TNKS: variants seen among roughly 807,000 people sequenced by gnomAD.
The protein encoded by TNKS is poly [ADP-ribose] polymerase tankyrase-1.
In TNKS, 72 loss-of-function variants were observed where a neutral mutation model predicts 135.8. The observed-to-expected ratio is 0.53, with a 90% CI of 0.44 to 0.64. The LOEUF (loss-of-function observed/expected upper bound fraction) is 0.64, where lower values mean the gene tolerates loss of function less well. TNKS is among the 30% of genes least tolerant of loss of function. The pLI, the probability that TNKS is intolerant of heterozygous loss-of-function variation, is 0.00. For synonymous variants in TNKS, 849 were observed against 649.3 expected, an observed-to-expected ratio of 1.31 and a Z score of -4.68; for missense variants, 1,769 against 1,674.0, an observed-to-expected ratio of 1.06 and a Z score of -0.99.
At chr8:9,593,207 C>T (rs372933211) in intron 2 of TNKS, among the ~76,000 whole-genome samples, 3 of 152,110 alleles carry the variant, frequency 2.0e-5, no homozygotes, top group Non-Finnish European at 4.4e-5. Context: ...GGTTTTCCCT[C>T]GAGGCCTCTC....
chr8:9,734,100 T>C (rs1391140410), intron 15 of TNKS, among the ~76,000 whole-genome samples: 3 of 152,172 alleles, frequency 2.0e-5, no homozygotes, highest in Non-Finnish European at 4.4e-5. Context: ...CCCTTCACTT[T>C]TATGATATCA....
At chr8:9,714,382 G>A (rs770889316) in intron 11 of TNKS, among the ~76,000 whole-genome samples, 1 of 151,220 alleles carries the variant, frequency 6.6e-6, no homozygotes, top group Non-Finnish European at 1.5e-5. Context: ...GTAGTATAGT[G>A]CTTAACACAC....
At chr8:9,587,288 A>G (rs1400397272) in intron 2 of TNKS, among the ~76,000 whole-genome samples, 4 of 152,148 alleles carry the variant, frequency 2.6e-5, no homozygotes, top group African/African-American at 9.7e-5. Flanking sequence ...AAAGAGAGAA[A>G]GGGTTCCCTA....
chr8:9,562,156 C>T (rs567927597), intron 1 of TNKS, among the ~76,000 whole-genome samples: 2 of 151,822 alleles, frequency 1.3e-5, no homozygotes, highest in South Asian at 2.1e-4. Flanking sequence ...TTTTTTTCTA[C>T]TGGGCACACT....
chr8:9,761,976 T>C (rs1038457447), intron 21 of TNKS, among the ~76,000 whole-genome samples: 6 of 152,236 alleles, frequency 3.9e-5, no homozygotes, highest in African/African-American at 1.4e-4. Context: ...GCTTCCTGCT[T>C]CCTTCCAGTA....
At chr8:9,677,910 C>T (rs1307678887) in intron 3 of TNKS, among the ~76,000 whole-genome samples, 1 of 152,146 alleles carries the variant, frequency 6.6e-6, no homozygotes, top group Non-Finnish European at 1.5e-5. Context: ...CCTGACCCTG[C>T]TTCACCTGAG....
At chr8:9,663,093 C>G (rs1032681653) in intron 3 of TNKS, among the ~76,000 whole-genome samples, 2 of 152,156 alleles carry the variant, frequency 1.3e-5, no homozygotes, top group African/African-American at 2.4e-5. Flanking sequence ...TGGCCACAAG[C>G]CAAGGAATGT....
chr8:9,597,841 A>G (rs961429059), intron 2 of TNKS, among the ~76,000 whole-genome samples: 2 of 152,204 alleles, frequency 1.3e-5, no homozygotes, highest in Admixed American at 6.5e-5. Context: ...CTTTTCCTCA[A>G]TGTGGGGGAA....
intron 3 of TNKS, among the ~76,000 whole-genome samples, chr8:9,676,306 C>T (rs1335505903): frequency 1.3e-5 from 2 of 152,098 alleles, no homozygotes; most frequent in Admixed American, 1.3e-4. Flanking sequence ...AGCCACCATG[C>T]CTGGCCCAGA....
intron 2 of TNKS, among the ~76,000 whole-genome samples, chr8:9,593,256 C>CTG (rs1369088437): frequency 6.6e-6 from 1 of 152,130 alleles, no homozygotes; most frequent in Non-Finnish European, 1.5e-5. Flanking sequence ...TATTTGTGTC[C>CTG]TGTGTGTGAG....
At chr8:9,668,909 C>G (rs1009704848) in intron 3 of TNKS, among the ~76,000 whole-genome samples, 1 of 152,006 alleles carries the variant, frequency 6.6e-6, no homozygotes, top group Admixed American at 6.6e-5. Flanking sequence ...GGGTTGAACA[C>G]CATTTTGTAA....
At chr8:9,666,082 T>C (rs563967220) in intron 3 of TNKS, among the ~76,000 whole-genome samples, 2 of 152,352 alleles carry the variant, frequency 1.3e-5, no homozygotes, top group South Asian at 2.1e-4. Flanking sequence ...GCTCCTACTG[T>C]AGTAACAGCT....
At chr8:9,632,231 T>C (rs1800318313) in intron 3 of TNKS, among the ~76,000 whole-genome samples, 1 of 152,212 alleles carries the variant, frequency 6.6e-6, no homozygotes, top group African/African-American at 2.4e-5. Context: ...ATTTGAATTT[T>C]ATGAGTCATA....
chr8:9,744,341 C>G (rs1039457400), intron 17 of TNKS, among the ~76,000 whole-genome samples: 2 of 152,130 alleles, frequency 1.3e-5, no homozygotes, highest in East Asian at 1.9e-4. Flanking sequence ...TTGACTGATT[C>G]ATTTTCTCTC....
chr8:9,708,309 A>G, intron 8 of TNKS, 62 bp from the exon 9 acceptor site: 4 of 1,350,212 alleles, frequency 3.0e-6, no homozygotes, highest in Non-Finnish European at 4.0e-6. Flanking sequence ...ATTTATAATC[A>G]TGCTGAAGAT....
chr8:9,584,527 C>G (rs907027027), intron 2 of TNKS, among the ~76,000 whole-genome samples: 3 of 152,152 alleles, frequency 2.0e-5, no homozygotes, highest in South Asian at 2.1e-4. Flanking sequence ...ACTCTTAGCT[C>G]TACAGCTTCT....
chr8:9,576,033 G>A (rs932799658), intron 1 of TNKS, among the ~76,000 whole-genome samples: 7 of 152,158 alleles, frequency 4.6e-5, no homozygotes, highest in Non-Finnish European at 8.8e-5. Flanking sequence ...TCTGTAGAAG[G>A]TGTAGAAGAG....
chr8:9,772,780 C>T (rs1807988309), intron 26 of TNKS, among the ~76,000 whole-genome samples: 1 of 143,244 alleles, frequency 7.0e-6, no homozygotes, highest in African/African-American at 2.6e-5. Context: ...AACTTGTAAA[C>T]GTTTTGGGGA....
intron 2 of TNKS, among the ~76,000 whole-genome samples, chr8:9,598,810 T>C (rs1456177467): frequency 9.1e-6 from 1 of 110,068 alleles, no homozygotes; most frequent in African/African-American, 3.4e-5. Context: ...TATATATATA[T>C]ATATATATGA....
Sources: allele counts gnomAD v4.1 joint callset (sites outside exome capture counted in the v4.1 genomes callset), GRCh38; gene constraint gnomAD v4.1.1; transcripts MANE v1.5; gene names NCBI Gene and HGNC (gene_info 2026-07-23, HGNC 2026-07-21).